FOXK1: variants seen among roughly 807,000 people sequenced by gnomAD.
The protein encoded by FOXK1 is forkhead box K1.
In FOXK1, 19 loss-of-function variants were observed where a neutral mutation model predicts 51.9. That is an observed-to-expected ratio of 0.37 (90% CI 0.26 to 0.54). The LOEUF (loss-of-function observed/expected upper bound fraction) is 0.54, where lower values mean the gene tolerates loss of function less well. FOXK1 is among the 20% of genes least tolerant of loss of function. The pLI, the probability that FOXK1 is intolerant of heterozygous loss-of-function variation, is 0.87. For missense variants in FOXK1, 870 were observed against 1,032.7 expected (o/e 0.84, Z 2.16); for synonymous variants, 537 against 482.6 (o/e 1.11, Z -1.48).
At chr7:4,752,184 T>C (rs1780787966) in intron 2 of FOXK1, among the ~76,000 whole-genome samples, 1 of 152,228 alleles carries the variant, frequency 6.6e-6, no homozygotes, top group African/African-American at 2.4e-5. Context: ...GACAGGGTCT[T>C]GCTCCGCCAG....
intron 1 of FOXK1, among the ~76,000 whole-genome samples, chr7:4,684,352 C>T (rs1779792360): frequency 6.6e-6 from 1 of 152,216 alleles, no homozygotes; most frequent in African/African-American, 2.4e-5. Context: ...AAGTTTGTGT[C>T]TGTAAACTTC....
Position 4,767,743 on chromosome 7 carries a change from C to T in FOXK1, c.*5279C>T, listed in dbSNP as rs574308358. The stretch of plus-strand genomic sequence containing the variant: ...CAGGCCTGTTTTTCAGTGCTCAGGA[C>T]ACGGTTTTCATCACATACTTACTGT... On this transcript the variant is annotated 3_prime_UTR_variant, in exon 9 of 9. Transcript: ENST00000328914. This position sits in a 1 kb window ranked among gnomAD's most constrained non-coding sequence, Gnocchi z 6.6. 4 of 152,272 alleles carry T rather than the reference C, an allele frequency of 2.6e-5. No individual in the cohort carries two copies. The highest frequency in any genetic ancestry group is 9.6e-5 in the African/African-American group (4 of 41,544). The allele number at this position is 152,272 out of a possible 1,614,324, so 9.4% of individuals were successfully genotyped here.
chr7:4,704,992 C>T (rs1034296593), intron 1 of FOXK1, among the ~76,000 whole-genome samples: 8 of 150,392 alleles, frequency 5.3e-5, no homozygotes, highest in South Asian at 2.1e-4. Flanking sequence ...CCACCACGCC[C>T]GGCTAACTTT....
rs1781019567 is a variant in FOXK1 at position 4,766,917 on chromosome 7, G to A, written c.*4453G>A. 1.3e-5 allele frequency: 2 copies of A among 152,274 alleles called. No homozygotes were observed. Among genetic ancestry groups the A allele is most frequent in the Admixed American group, 6.5e-5 (1 of 15,288 alleles). The allele number at this position is 152,274 out of a possible 1,614,324, so 9.4% of individuals were successfully genotyped here. A position where few individuals can be genotyped will look rare whatever the true frequency, so the allele number is the denominator to read the frequency against. On this transcript the variant is annotated 3_prime_UTR_variant, in exon 9 of 9. Transcript: ENST00000328914. The surrounding 1 kb of genome is among the most constrained non-coding windows in gnomAD (Gnocchi z 5.5). ...TTTGGGCGATTCAGTGAGTTCAGGA[G>A]GAGGAGGAAGCTTTTCCTTGGCTTT...
chr7:4,708,163 T>G (rs1160453585), intron 1 of FOXK1, among the ~76,000 whole-genome samples: 1 of 151,944 alleles, frequency 6.6e-6, no homozygotes, highest in Non-Finnish European at 1.5e-5. Flanking sequence ...AGGGCCCGAG[T>G]CTTCCACCAA....
At chr7:4,759,843 C>T (rs1780908447) in intron 7 of FOXK1, 3 of 575,034 alleles carry the variant, frequency 5.2e-6, no homozygotes, top group African/African-American at 3.8e-5. Flanking sequence ...TCAGCCTGGC[C>T]AACATACTGA....
In FOXK1 at chr7:4,749,559, G is replaced by A. The variant is rs546735733; in HGVS notation, c.747-4900G>A. On this transcript the variant is annotated intron_variant, in intron 2 of 8. Transcript: ENST00000328914. This position sits in a 1 kb window ranked among gnomAD's most constrained non-coding sequence, Gnocchi z 6.0. Reference sequence around the variant, plus strand: ...CCTCCACTGCCCACAAGGCTCCGTCGCAGCTCCTTCCTCCAGCCCCTCCAG... The same window carrying A: ...CCTCCACTGCCCACAAGGCTCCGTCACAGCTCCTTCCTCCAGCCCCTCCAG... Among the ~76,000 whole-genome samples the A allele has an allele frequency of 2.0e-5, 3 of 152,270 alleles. No homozygotes were observed. Among genetic ancestry groups the A allele is most frequent in the Admixed American group, 6.5e-5 (1 of 15,286 alleles).
chr7:4,705,538 T>TCG (rs1562372616), intron 1 of FOXK1, among the ~76,000 whole-genome samples: 67 of 148,056 alleles, frequency 4.5e-4, no homozygotes, highest in African/African-American at 1.5e-3. Flanking sequence ...TCTCTCTCTC[T>TCG]CTCTCTCTCT....
rs62453207 is a variant in FOXK1 at position 4,762,434 on chromosome 7, C to A, written c.2172C>A (p.Ala724=). ...VTTPAGVIAA[A]GPQGPGTGE is the part of the protein sequence containing the mutation. ...CACCGGCTGGAGTGATCGCAGCTGC[C>A]GGCCCCCAGGGGCCAGGCACCGGGG... Residue 724 remains alanine, a synonymous_variant, in exon 9 of 9, where the codon GCC becomes GCA. Coordinates refer to ENST00000328914, the MANE Select transcript of FOXK1 (RefSeq NM_001037165.2). This position sits in a 1 kb window ranked among gnomAD's most constrained non-coding sequence, Gnocchi z 5.7. The A allele has an allele frequency of 1.3e-6, 2 of 1,546,820 alleles. No homozygotes were observed. The highest frequency in any genetic ancestry group is 1.7e-6 in the Non-Finnish European group (2 of 1,145,246).
rs924198215 is a variant in FOXK1, at chr7:4,711,586, G to A, written c.560+28718G>A. On this transcript the variant is annotated intron_variant, in intron 1 of 8. Transcript: ENST00000328914. This position sits in a 1 kb window ranked among gnomAD's most constrained non-coding sequence, Gnocchi z 6.3. Reference sequence around the variant, plus strand: ...AGCAGTTGGATGGGGAGATCAGAGTGGGTCTCAAGAGTGCCACTCCTCGGC... The same window carrying A: ...AGCAGTTGGATGGGGAGATCAGAGTAGGTCTCAAGAGTGCCACTCCTCGGC... Among the ~76,000 whole-genome samples the A allele has an allele frequency of 6.6e-6, 1 of 152,198 alleles. No individual in the cohort carries two copies.
Position 4,723,209 on chromosome 7 carries a change from A to G in FOXK1, c.561-17629A>G, listed in dbSNP as rs1419809912. ...TCACCCATAGGGTGGGTGGACACCC[A>G]TGGCGGCTTGCACGTTGCACGTCCC... On this transcript the variant is annotated intron_variant, in intron 1 of 8. Transcript: ENST00000328914. The surrounding 1 kb of genome is among the most constrained non-coding windows in gnomAD (Gnocchi z 4.7). 6.6e-6 allele frequency among the ~76,000 whole-genome samples: 1 copy of G among 151,910 alleles called. No individual in the cohort carries two copies. Among genetic ancestry groups the G allele is most frequent in the Non-Finnish European group, 1.5e-5 (1 of 67,998 alleles).
intron 1 of FOXK1, among the ~76,000 whole-genome samples, chr7:4,696,074 C>T (rs962139043): frequency 4.6e-5 from 7 of 150,632 alleles, no homozygotes; most frequent in Admixed American, 3.3e-4. Flanking sequence ...TAAGGATGCA[C>T]CACTGCACTC....
At chr7:4,728,722 C>G (rs1483002555) in intron 1 of FOXK1, among the ~76,000 whole-genome samples, 1 of 99,510 alleles carries the variant, frequency 1.0e-5, no homozygotes, top group Non-Finnish European at 1.8e-5. Context: ...GAGACCACGT[C>G]TCTTTTTGAA....
chr7:4,754,632 C>G lies in FOXK1; in HGVS notation c.903+17C>G. 6.3e-7 allele frequency: 1 copy of G among 1,597,516 alleles called. No individual in the cohort carries two copies. The highest frequency in any genetic ancestry group is 8.5e-7 in the Non-Finnish European group (1 of 1,178,054). On this transcript the variant is annotated intron_variant, in intron 3 of 8. Coordinates refer to ENST00000328914, the MANE Select transcript of FOXK1 (RefSeq NM_001037165.2). ...AGCCCCAAGGTCTGAGCCCACCTGG[C>G]GCCGTGGTGCACCTGGTGACCCAGG...
rs1780931513 is a variant in FOXK1, at chr7:4,761,434, G to T, written c.1921+146G>T. On this transcript the variant is annotated intron_variant, in intron 8 of 8. Coordinates refer to ENST00000328914, the MANE Select transcript of FOXK1 (RefSeq NM_001037165.2). The surrounding 1 kb of genome is among the most constrained non-coding windows in gnomAD (Gnocchi z 6.2). ...CACCTGCTATACTCCAGGCACTGGG[G>T]TAATGCAAAGAAAAAGAGGGTGGAA... The T allele has an allele frequency of 1.1e-6, 1 of 894,022 alleles. No homozygotes were observed. Among genetic ancestry groups the T allele is most frequent in the South Asian group, 1.6e-5 (1 of 61,082 alleles). 55.4% of individuals were successfully genotyped at this position (894,022 alleles called of 1,614,324 possible).
Position 4,697,741 on chromosome 7 carries a change from C to CTGTGTGTG in FOXK1, c.560+14915_560+14922dup, listed in dbSNP as rs57978112. Among the ~76,000 whole-genome samples the CTGTGTGTG allele has an allele frequency of 1.9e-3, 256 of 135,674 alleles. 2 individuals carry two copies. The highest frequency in any genetic ancestry group is 3.5e-3 in the African/African-American group (125 of 36,152). The allele number at this position is 135,674 out of a possible 152,430, so 89.0% of individuals were successfully genotyped here. A position where few individuals can be genotyped will look rare whatever the true frequency, so the allele number is the denominator to read the frequency against. On this transcript the variant is annotated intron_variant, in intron 1 of 8. Transcript: ENST00000328914. ...AGTGTTTACATACAGGAAAGATAGG[C>CTGTGTGTG]TGTGTGTGTGTGTGTGTGTGTGTGT... is the stretch of plus-strand genomic sequence containing the variant.
At position 4,715,974 on chromosome 7, in the gene FOXK1, G is replaced by A. The variant is rs1257370597; in HGVS notation, c.561-24864G>A. 6.6e-6 allele frequency among the ~76,000 whole-genome samples: 1 copy of A among 152,178 alleles called. No individual in the cohort carries two copies. Among genetic ancestry groups the A allele is most frequent in the Non-Finnish European group, 1.5e-5 (1 of 68,040 alleles). The stretch of plus-strand genomic sequence containing the variant: ...CAGTCAGGCGCAGTGGTTCACGCCT[G>A]TAATCCCAGCACTTTGGGAGGCCAA... On this transcript the variant is annotated intron_variant, in intron 1 of 8. Transcript: ENST00000328914. This position sits in a 1 kb window ranked among gnomAD's most constrained non-coding sequence, Gnocchi z 4.5.
intron 1 of FOXK1, among the ~76,000 whole-genome samples, chr7:4,727,789 TAC>T (rs1491158613): frequency 1.3e-5 from 2 of 152,260 alleles, no homozygotes; most frequent in African/African-American, 4.8e-5. Context: ...GGAAACACTT[TAC>T]CAGAGTAAAC....
intron 1 of FOXK1, among the ~76,000 whole-genome samples, chr7:4,689,685 C>T (rs982480805): frequency 4.6e-5 from 7 of 152,184 alleles, no homozygotes; most frequent in African/African-American, 7.2e-5. Flanking sequence ...ATTAGTTATA[C>T]GTTGTATAAC....
Sources: gnomAD v4.1 joint callset for allele counts (sites outside exome capture counted in the v4.1 genomes callset) on GRCh38, gnomAD v4.1.1 for gene constraint, Gnocchi (gnomAD v3.1) non-coding constraint, MANE v1.5 for transcripts, NCBI Gene and HGNC (gene_info 2026-07-23, HGNC 2026-07-21) for gene names.